Variants in PCDHGA6 observed in about 807,000 individuals in gnomAD.
The protein encoded by PCDHGA6 is protocadherin gamma subfamily A, 6.
In PCDHGA6, 41 loss-of-function variants were observed where a neutral mutation model predicts 60.6. The ratio of observed to expected loss-of-function variants is 0.68; its 90% CI spans 0.53 to 0.88. PCDHGA6 has a LOEUF of 0.88. PCDHGA6 is among the 40% of genes least tolerant of loss of function. The pLI is 0.00. For synonymous variants in PCDHGA6, 594 were observed against 524.4 expected (o/e 1.13, Z -1.81); for missense variants, 1,312 against 1,203.0 (o/e 1.09, Z -1.34).
intron 1 of PCDHGA6, chr5:141,478,419 G>A (rs2530208): frequency 3.7e-6 from 6 of 1,613,632 alleles, no homozygotes; most frequent in South Asian, 2.2e-5. Context: ...GACTCCCGCC[G>A]CAGCGACCCG....
intron 1 of PCDHGA6, among the ~76,000 whole-genome samples, chr5:141,443,486 A>AAAAC (rs1345310906): frequency 6.6e-6 from 1 of 152,166 alleles, no homozygotes; most frequent in Non-Finnish European, 1.5e-5. Flanking sequence ...ACCCTGTCCC[A>AAAAC]AAACAAACAA....
rs1390441638 is a variant in PCDHGA6, at chr5:141,432,562, C to T, written c.2424+56055C>T. 1.9e-6 allele frequency: 3 copies of T among 1,613,964 alleles called. No individual in the cohort carries two copies. Among genetic ancestry groups the T allele is most frequent in the Non-Finnish European group, 2.5e-6 (3 of 1,180,004 alleles). On this transcript the variant is annotated intron_variant, in intron 1 of 3. Coordinates refer to ENST00000517434, the MANE Select transcript of PCDHGA6 (RefSeq NM_018919.3). This position sits in a 1 kb window ranked among gnomAD's most constrained non-coding sequence, Gnocchi z 6.0. ...CGGTGGACAGAGACTCCGGCCAGAA[C>T]GCCTGGCTGTCCTACCGTCTGCTCA...
intron 1 of PCDHGA6, chr5:141,441,448 A>T (rs1415765869): frequency 1.2e-5 from 2 of 161,528 alleles, no homozygotes; most frequent in Non-Finnish European, 2.7e-5. Context: ...CAGCCCAAGC[A>T]TCACCCTACT....
At chr5:141,441,736 T>C in intron 1 of PCDHGA6, 1 of 365,328 alleles carries the variant, frequency 2.7e-6, no homozygotes. Flanking sequence ...CAGGACTAGC[T>C]CGCGCTCGGC....
At chr5:141,393,023 T>C (rs372159245) in intron 1 of PCDHGA6, 52 of 1,613,550 alleles carry the variant, frequency 3.2e-5, no homozygotes, top group Non-Finnish European at 4.3e-5. Flanking sequence ...TCTCCAGAGG[T>C]AGGACGCAGC....
At chr5:141,423,099 G>C (rs1344463949) in intron 1 of PCDHGA6, 1 of 1,613,826 alleles carries the variant, frequency 6.2e-7, no homozygotes, top group Non-Finnish European at 8.5e-7. Flanking sequence ...GGGAGCACAC[G>C]GGCGAGGTGC....
chr5:141,414,116 A>C (rs760214999), intron 1 of PCDHGA6: 2 of 1,592,434 alleles, frequency 1.3e-6, no homozygotes, highest in Non-Finnish European at 1.7e-6. Context: ...CTAGATTATG[A>C]AGAAACCGGT....
chr5:141,456,043 G>A (rs62379189), intron 1 of PCDHGA6, among the ~76,000 whole-genome samples: 6,917 of 151,746 alleles, frequency 0.046, 202 homozygotes, highest in Middle Eastern at 0.086. Flanking sequence ...GACTACAGGC[G>A]CCCACCACCA....
chr5:141,431,297 C>T lies in PCDHGA6; in HGVS notation c.2424+54790C>T. The T allele has an allele frequency of 6.2e-7, 1 of 1,614,126 alleles. No homozygotes were observed. The highest frequency in any genetic ancestry group is 8.5e-7 in the Non-Finnish European group (1 of 1,180,036). Reference sequence around the variant, plus strand: ...GCTCAGCCCGAACACTCACTTCTCCCTCATCGTGCAAAATGGAGCCGACGG... The same window carrying T: ...GCTCAGCCCGAACACTCACTTCTCCTTCATCGTGCAAAATGGAGCCGACGG... On this transcript the variant is annotated intron_variant, in intron 1 of 3. Coordinates refer to ENST00000517434, the MANE Select transcript of PCDHGA6 (RefSeq NM_018919.3). This position sits in a 1 kb window ranked among gnomAD's most constrained non-coding sequence, Gnocchi z 4.8.
At chr5:141,469,543 C>T (rs1031152008) in intron 1 of PCDHGA6, among the ~76,000 whole-genome samples, 1 of 152,040 alleles carries the variant, frequency 6.6e-6, no homozygotes, top group Non-Finnish European at 1.5e-5. Context: ...CCACTGCACT[C>T]CAGCCTGGCG....
chr5:141,398,329 G>A, intron 1 of PCDHGA6: 2 of 1,358,092 alleles, frequency 1.5e-6, no homozygotes, highest in African/African-American at 1.5e-5. Flanking sequence ...AAAACTGCGC[G>A]TCAGTTCGGA....
chr5:141,399,814 C>T, intron 1 of PCDHGA6: 2 of 1,613,238 alleles, frequency 1.2e-6, no homozygotes, highest in Non-Finnish European at 1.7e-6. Context: ...GTACCCCGCG[C>T]TGGGTCCCGA....
intron 1 of PCDHGA6, among the ~76,000 whole-genome samples, chr5:141,406,715 A>G (rs2094843333): frequency 6.6e-6 from 1 of 152,252 alleles, no homozygotes; most frequent in Non-Finnish European, 1.5e-5. Flanking sequence ...CTTGCTCAAG[A>G]GAAGTTTCTA....
chr5:141,447,650 TC>T (rs1036312126), intron 1 of PCDHGA6, among the ~76,000 whole-genome samples: 1 of 151,988 alleles, frequency 6.6e-6, no homozygotes, highest in Non-Finnish European at 1.5e-5. Context: ...GGTAGAATTT[TC>T]CCCCCCAGGA....
chr5:141,504,578 TGCCCAGGATTCACAGCAA>T (rs2099839274), intron 2 of PCDHGA6, among the ~76,000 whole-genome samples: 1 of 148,500 alleles, frequency 6.7e-6, no homozygotes, highest in African/African-American at 2.5e-5. Flanking sequence ...GAACACCATC[TGCCCAGGATTCACAGCAA>T]GAGGGAACTT....
At chr5:141,429,523 A>G (rs1009016050) in intron 1 of PCDHGA6, among the ~76,000 whole-genome samples, 1 of 152,174 alleles carries the variant, frequency 6.6e-6, no homozygotes, top group Non-Finnish European at 1.5e-5. Context: ...CAGAGAAAAA[A>G]GCTTAAAAAA....
Position 141,490,004 on chromosome 5 carries a change from C to T in PCDHGA6, c.2425-4803C>T. On this transcript the variant is annotated intron_variant, in intron 1 of 3. Coordinates refer to ENST00000517434, the MANE Select transcript of PCDHGA6 (RefSeq NM_018919.3). This position sits in a 1 kb window ranked among gnomAD's most constrained non-coding sequence, Gnocchi z 5.4. ...CTACGTGTGGGAATCCCAGAGAATG[C>T]ACCCATTGGTACTCTGCTGCTCCGC... The T allele has an allele frequency of 1.9e-6, 3 of 1,614,174 alleles. No individual in the cohort carries two copies. Among genetic ancestry groups the T allele is most frequent in the Non-Finnish European group, 2.5e-6 (3 of 1,179,980 alleles).
chr5:141,491,233 G>T lies in PCDHGA6; in HGVS notation c.2425-3574G>T. 1 of 1,614,224 alleles carries T rather than the reference G, an allele frequency of 6.2e-7. No homozygotes were observed. The highest frequency in any genetic ancestry group is 2.2e-5 in the East Asian group (1 of 44,890). On this transcript the variant is annotated intron_variant, in intron 1 of 3. Transcript: ENST00000517434. The surrounding 1 kb of genome is among the most constrained non-coding windows in gnomAD (Gnocchi z 6.9). ...CTCCTCCACAGCCACAGTGCTGCTG[G>T]TTCTGGAGGATGAGGACCCTGAGGA...
At chr5:141,510,509 C>G (rs146315792) in intron 3 of PCDHGA6, among the ~76,000 whole-genome samples, 13 of 152,204 alleles carry the variant, frequency 8.5e-5, no homozygotes, top group Non-Finnish European at 1.6e-4. Flanking sequence ...ACTGAGAGCC[C>G]GTGTCACAGC....
Sources: gnomAD v4.1 joint callset for allele counts (sites outside exome capture counted in the v4.1 genomes callset) on GRCh38, gnomAD v4.1.1 for gene constraint, Gnocchi (gnomAD v3.1) non-coding constraint, MANE v1.5 for transcripts, NCBI Gene and HGNC (gene_info 2026-07-23, HGNC 2026-07-21) for gene names.